The following SCHIP1 variants were observed in gnomAD, a reference collection of about 807,000 sequenced individuals.
The protein encoded by SCHIP1 is schwannomin-interacting protein 1.
In SCHIP1, 8 loss-of-function variants were observed where a neutral mutation model predicts 29.7. That is an observed-to-expected ratio of 0.27 (90% CI 0.16 to 0.49). The LOEUF (loss-of-function observed/expected upper bound fraction) is 0.49. Ranked by LOEUF, SCHIP1 falls within the 20% of genes least tolerant of loss-of-function variation. SCHIP1 has a pLI of 0.99. For synonymous variants in SCHIP1, 76 were observed against 94.9 expected, an observed-to-expected ratio of 0.80 and a Z score of 1.16; for missense variants, 193 against 294.6, an observed-to-expected ratio of 0.66 and a Z score of 2.52.
chr3:159,674,055 T>TA, the SCHIP1 span, among the ~76,000 whole-genome samples: 4 of 152,304 alleles, frequency 2.6e-5, no homozygotes, highest in East Asian at 7.7e-4. Context: ...TACATATTTT[T>TA]ATCACACTAC....
the SCHIP1 span, among the ~76,000 whole-genome samples, chr3:159,641,789 A>G: frequency 6.6e-6 from 1 of 152,196 alleles, no homozygotes; most frequent in African/African-American, 2.4e-5. Flanking sequence ...AACAAATGGT[A>G]GTCTCTAAGA....
the SCHIP1 span, among the ~76,000 whole-genome samples, chr3:159,333,132 A>C: frequency 6.6e-6 from 1 of 152,254 alleles, no homozygotes; most frequent in Non-Finnish European, 1.5e-5. Flanking sequence ...TCAGTCTAAC[A>C]AAAGGTTATT....
chr3:159,570,668 C>A, the SCHIP1 span, among the ~76,000 whole-genome samples: 1 of 152,074 alleles, frequency 6.6e-6, no homozygotes, highest in Non-Finnish European at 1.5e-5. Context: ...GTAGTTTTTT[C>A]CAATTCTGTG....
At chr3:159,815,194 C>T in the SCHIP1 span, among the ~76,000 whole-genome samples, 1 of 152,190 alleles carries the variant, frequency 6.6e-6, no homozygotes, top group Admixed American at 6.5e-5. Context: ...GTGGTCTGCA[C>T]TGCCCTAACC....
At chr3:159,359,452 A>T in the SCHIP1 span, among the ~76,000 whole-genome samples, 6 of 152,176 alleles carry the variant, frequency 3.9e-5, no homozygotes, top group African/African-American at 1.4e-4. Flanking sequence ...TTATTTTAAA[A>T]ATGAAAATAC....
chr3:159,770,974 G>A, the SCHIP1 span, among the ~76,000 whole-genome samples: 3 of 152,158 alleles, frequency 2.0e-5, no homozygotes, highest in Admixed American at 6.5e-5. Context: ...TCTGACAGGT[G>A]CATTTTCCTC....
At chr3:159,581,078 T>C in the SCHIP1 span, among the ~76,000 whole-genome samples, 1 of 152,200 alleles carries the variant, frequency 6.6e-6, no homozygotes, top group Non-Finnish European at 1.5e-5. Context: ...TAAACAGTGT[T>C]GATAGTACTT....
chr3:159,309,147 A>T, the SCHIP1 span: 8 of 126,916 alleles, frequency 6.3e-5, no homozygotes, highest in South Asian at 1.0e-3. Flanking sequence ...AGTTAAAATT[A>T]AAAAAAAACA....
chr3:159,719,472 G>T, the SCHIP1 span, among the ~76,000 whole-genome samples: 1 of 152,124 alleles, frequency 6.6e-6, no homozygotes, highest in African/African-American at 2.4e-5. Context: ...GAAAATTTTT[G>T]CAGTCTACCC....
chr3:159,495,551 G>A, the SCHIP1 span, among the ~76,000 whole-genome samples: 7 of 152,084 alleles, frequency 4.6e-5, no homozygotes, highest in Admixed American at 4.6e-4. Flanking sequence ...AACTTACAAG[G>A]GATGTGAAGG....
intron 2 of SCHIP1, among the ~76,000 whole-genome samples, chr3:159,882,310 C>G (rs932136556): frequency 2.6e-5 from 4 of 152,170 alleles, no homozygotes; most frequent in Non-Finnish European, 5.9e-5. Context: ...TGCAACAGTT[C>G]AAGTAAAGTG....
chr3:159,811,586 A>G, the SCHIP1 span, among the ~76,000 whole-genome samples: 2 of 152,212 alleles, frequency 1.3e-5, no homozygotes, highest in Admixed American at 6.5e-5. Flanking sequence ...CAAAAAATCA[A>G]TGGACTATAA....
At chr3:159,556,005 G>C in the SCHIP1 span, among the ~76,000 whole-genome samples, 1 of 152,110 alleles carries the variant, frequency 6.6e-6, no homozygotes, top group East Asian at 1.9e-4. Context: ...ACAATGGCAC[G>C]TGTATACCTA....
the SCHIP1 span, among the ~76,000 whole-genome samples, chr3:159,566,463 A>G: frequency 1.3e-5 from 2 of 152,346 alleles, no homozygotes; most frequent in South Asian, 2.1e-4. Context: ...ACATAAATCT[A>G]CATACATAAA....
chr3:159,496,560 A>T, the SCHIP1 span, among the ~76,000 whole-genome samples: 1 of 152,236 alleles, frequency 6.6e-6, no homozygotes, highest in Non-Finnish European at 1.5e-5. Context: ...ATGAGATACC[A>T]TCTCACTCCA....
chr3:159,401,663 A>G, the SCHIP1 span, among the ~76,000 whole-genome samples: 8 of 152,296 alleles, frequency 5.3e-5, no homozygotes, highest in East Asian at 1.2e-3. Context: ...CTCTATACAC[A>G]TTGTGAGTTA....
the SCHIP1 span, among the ~76,000 whole-genome samples, chr3:159,536,424 T>C: frequency 2.9e-4 from 44 of 152,326 alleles, 1 homozygote; most frequent in African/African-American, 9.9e-4. Flanking sequence ...AGTCAGCTTT[T>C]GAAAGTCTTC....
chr3:159,681,735 T>G, the SCHIP1 span, among the ~76,000 whole-genome samples: 1 of 152,260 alleles, frequency 6.6e-6, no homozygotes, highest in Non-Finnish European at 1.5e-5. Context: ...TCTTATCAGT[T>G]GGACTTTAAC....
chr3:159,409,311 A>G, the SCHIP1 span, among the ~76,000 whole-genome samples: 1 of 152,028 alleles, frequency 6.6e-6, no homozygotes, highest in Non-Finnish European at 1.5e-5. Context: ...TAGAAAAAAA[A>G]AGGCACCCAA....
Sources: gnomAD v4.1 joint callset for allele counts (sites outside exome capture counted in the v4.1 genomes callset) on GRCh38, gnomAD v4.1.1 for gene constraint, MANE v1.5 for transcripts, NCBI Gene and HGNC (gene_info 2026-07-23, HGNC 2026-07-21) for gene names.